KCNT1: variants seen among roughly 807,000 people sequenced by gnomAD.
KCNT1 encodes potassium sodium-activated channel subfamily T member 1, also known as potassium channel subfamily T member 1.
A neutral mutation model predicts 147.8 loss-of-function variants in KCNT1; 78 were observed. The observed-to-expected ratio is 0.53, with a 90% CI of 0.44 to 0.64. KCNT1 has a LOEUF of 0.64. KCNT1 is among the 30% of genes least tolerant of loss of function. The probability of loss-of-function intolerance (pLI) is 0.00; values close to 1 mark genes in which losing one functional copy is unlikely to be tolerated. For synonymous variants in KCNT1, 867 were observed against 748.8 expected, an observed-to-expected ratio of 1.16 and a Z score of -2.58; for missense variants, 1,419 against 1,750.3, an observed-to-expected ratio of 0.81 and a Z score of 3.38.
At position 135,768,601 on chromosome 9, in the gene KCNT1, G is replaced by T; in HGVS notation, c.1338-9G>T. On this transcript the variant is annotated splice_polypyrimidine_tract_variant and intron_variant, in intron 13 of 30. Transcript: ENST00000371757. Reference sequence around the variant, plus strand: ...GCTCCACCCACGCTCAGGCCCTGGTGCATTGCAGGATGGACAATGGGGAGG... The same window carrying T: ...GCTCCACCCACGCTCAGGCCCTGGTTCATTGCAGGATGGACAATGGGGAGG... 2 of 1,550,054 alleles carry T rather than the reference G, an allele frequency of 1.3e-6. No individual in the cohort carries two copies. Among genetic ancestry groups the T allele is most frequent in the Non-Finnish European group, 1.7e-6 (2 of 1,146,500 alleles).
chr9:135,737,557 C>T (rs1358948821), intron 2 of KCNT1, among the ~76,000 whole-genome samples: 1 of 152,216 alleles, frequency 6.6e-6, no homozygotes, highest in East Asian at 1.9e-4. Flanking sequence ...GAGAGAGGTG[C>T]AGGCCAGGCC....
intron 24 of KCNT1, among the ~76,000 whole-genome samples, chr9:135,780,211 C>T (rs1195475627): frequency 2.0e-5 from 3 of 152,198 alleles, no homozygotes; most frequent in African/African-American, 7.2e-5. Flanking sequence ...GGTGCCCAGG[C>T]AGCCCTAGGC....
chr9:135,758,300 G>C, intron 9 of KCNT1, 114 bp from the exon 10 acceptor site: 1 of 777,566 alleles, frequency 1.3e-6, no homozygotes, highest in East Asian at 2.6e-5. Context: ...GGCCTCAGCC[G>C]AGACGCAGGT....
At chr9:135,766,200 G>T (rs1281723015) in intron 13 of KCNT1, among the ~76,000 whole-genome samples, 3 of 149,016 alleles carry the variant, frequency 2.0e-5, no homozygotes, top group Non-Finnish European at 4.5e-5. Context: ...CTGTCCAGGG[G>T]GGACCATCCA....
At chr9:135,756,238 C>G (rs139037945) in intron 6 of KCNT1, among the ~76,000 whole-genome samples, 15 of 152,268 alleles carry the variant, frequency 9.9e-5, no homozygotes, top group African/African-American at 3.6e-4. Context: ...CTCTACTGCT[C>G]TCCACACAAT....
intron 27 of KCNT1, 57 bp downstream of exon 27, chr9:135,784,946 A>C: frequency 6.3e-7 from 1 of 1,582,954 alleles, no homozygotes; most frequent in Non-Finnish European, 8.6e-7. Context: ...TGTGACCCAC[A>C]GCATCCCCAC....
At chr9:135,727,290 TCC>T (rs1373977446) in intron 2 of KCNT1, among the ~76,000 whole-genome samples, 2 of 103,834 alleles carry the variant, frequency 1.9e-5, no homozygotes, top group African/African-American at 3.8e-5. Flanking sequence ...TCTCTCTCTC[TCC>T]CTGTCCCTCT....
intron 28 of KCNT1, 70 bp downstream of exon 28, chr9:135,785,400 C>G: frequency 1.9e-6 from 3 of 1,556,806 alleles, no homozygotes; most frequent in East Asian, 2.4e-5. Flanking sequence ...CATGGAGAAG[C>G]CTGCCAGGCC....
chr9:135,769,914 G>A (rs375137224), intron 15 of KCNT1, 33 bp from the exon 16 acceptor site: 211 of 1,466,996 alleles, frequency 1.4e-4, no homozygotes, highest in Non-Finnish European at 1.7e-4. Flanking sequence ...CCGGCAGAGC[G>A]GCAGGTGGAC....
At chr9:135,742,278 T>C (rs1830604021) in intron 2 of KCNT1, among the ~76,000 whole-genome samples, 2 of 152,334 alleles carry the variant, frequency 1.3e-5, no homozygotes, top group Admixed American at 6.5e-5. Flanking sequence ...GACCTCGGCA[T>C]GAGGTGGAGC....
chr9:135,742,721 A>G, intron 2 of KCNT1: 2 of 716,854 alleles, frequency 2.8e-6, no homozygotes, highest in South Asian at 3.0e-5. Flanking sequence ...TGCCTTCTCC[A>G]TCTGTCCATC....
intron 6 of KCNT1, among the ~76,000 whole-genome samples, 171 bp from the exon 7 acceptor site, chr9:135,756,702 G>C (rs1831502864): frequency 6.6e-6 from 1 of 152,084 alleles, no homozygotes; most frequent in African/African-American, 2.4e-5. Flanking sequence ...CCTGGCGGGG[G>C]TCAGCCAAAG....
At chr9:135,721,862 G>C (rs1027915772) in intron 2 of KCNT1, among the ~76,000 whole-genome samples, 1 of 152,216 alleles carries the variant, frequency 6.6e-6, no homozygotes, top group African/African-American at 2.4e-5. Context: ...CAGGAAGCAG[G>C]GTCCTGGAAG....
At chr9:135,719,939 C>T (rs1013096651) in intron 2 of KCNT1, among the ~76,000 whole-genome samples, 1 of 152,204 alleles carries the variant, frequency 6.6e-6, no homozygotes, top group African/African-American at 2.4e-5. Context: ...GAGAACGGAA[C>T]TTGACTTGGT....
Position 135,759,706 on chromosome 9 carries a change from G to T in KCNT1, c.882G>T (p.Arg294=). 1 of 1,611,946 alleles carries T rather than the reference G, an allele frequency of 6.2e-7. No homozygotes were observed. The highest frequency in any genetic ancestry group is 8.5e-7 in the Non-Finnish European group (1 of 1,178,874). ...CCTGCGGCATCCAGCACCTGGAGCG[G>T]GCGGGCGAGAACCTGTCCCTCCTGA... ...TGTCGIQHLE[R]AGENLSLLTS... is the part of the protein sequence containing the mutation. Residue 294 remains arginine, a synonymous_variant, in exon 11 of 31, where the codon CGG becomes CGT. Coordinates refer to ENST00000371757, the MANE Select transcript of KCNT1 (RefSeq NM_020822.3).
At chr9:135,707,275 G>C (rs1392603700) in intron 1 of KCNT1, among the ~76,000 whole-genome samples, 3 of 152,112 alleles carry the variant, frequency 2.0e-5, no homozygotes, top group Admixed American at 2.0e-4. Flanking sequence ...TCCCATAGCT[G>C]TGGGAGAGGG....
chr9:135,792,113 C>G lies in KCNT1; in HGVS notation c.3660C>G (p.His1220Gln), dbSNP rs868847760. The G allele has an allele frequency of 2.5e-6, 4 of 1,605,642 alleles. No individual in the cohort carries two copies. In the Admixed American group the frequency reaches 6.7e-5, roughly 27 times the overall value. ...SSQSRKSSCS[H>Q]KLSSCNPETR... The stretch of plus-strand genomic sequence containing the variant: ...AGAGCCGGAAGAGCAGCTGCAGCCA[C>G]AAGCTGTCGTCCTGCAACCCCGAGA... Residue 1220 changes from histidine to glutamine, a missense_variant, in exon 31 of 31, where the codon CAC becomes CAG. Around this residue, in one of 5 missense-constraint regions of KCNT1, gnomAD observed 306 missense variants for 294.2 expected, o/e 1.04. Coordinates refer to ENST00000371757, the MANE Select transcript of KCNT1 (RefSeq NM_020822.3).
At chr9:135,760,593 G>A (rs886848353) in intron 11 of KCNT1, among the ~76,000 whole-genome samples, 1 of 152,172 alleles carries the variant, frequency 6.6e-6, no homozygotes, top group Admixed American at 6.5e-5. Context: ...ACAGGGCAGT[G>A]CTCCTAGGGA....
chr9:135,728,481 C>T (rs1479339375), intron 2 of KCNT1, among the ~76,000 whole-genome samples: 1 of 152,244 alleles, frequency 6.6e-6, no homozygotes, highest in African/African-American at 2.4e-5. Context: ...CCACCCACGG[C>T]CTGCCTGGGA....
Sources: allele counts gnomAD v4.1 joint callset (sites outside exome capture counted in the v4.1 genomes callset), GRCh38; gene constraint gnomAD v4.1.1; regional missense constraint gnomAD v4.1.1; transcripts MANE v1.5; gene names NCBI Gene and HGNC (gene_info 2026-07-23, HGNC 2026-07-21).